Variants in RUVBL2 observed in about 807,000 individuals in gnomAD.
RUVBL2 encodes RuvB like AAA ATPase 2, also known as ruvB-like 2.
In RUVBL2, 9 loss-of-function variants were observed where a neutral mutation model predicts 57.9. The observed-to-expected ratio is 0.16, with a 90% CI of 0.09 to 0.27. RUVBL2 has a LOEUF of 0.27. RUVBL2 is among the 10% of genes least tolerant of loss of function. RUVBL2 has a pLI of 1.00. For missense variants in RUVBL2, 456 were observed against 669.6 expected, an observed-to-expected ratio of 0.68 and a Z score of 3.52; for synonymous variants, 278 against 264.6, an observed-to-expected ratio of 1.05 and a Z score of -0.49.
chr19:48,993,479 C>T (rs1281441834), upstream of RUVBL2: 2 of 426,792 alleles, frequency 4.7e-6, no homozygotes, highest in Non-Finnish European at 8.8e-6. Flanking sequence ...CGTGAGACCT[C>T]CAGGGGGCGG....
chr19:49,015,778 T>TGGGC (rs1374922967), intron 14 of RUVBL2, 39 bp from the exon 15 acceptor site: 20 of 1,613,784 alleles, frequency 1.2e-5, no homozygotes, highest in Non-Finnish European at 1.6e-5. Context: ...CCCTGCCACC[T>TGGGC]GGGCGACACT....
rs1159128898 is a variant in RUVBL2, at chr19:48,999,350, A to C, written c.44A>C (p.Asp15Ala). 4 of 1,614,210 alleles carry C rather than the reference A, an allele frequency of 2.5e-6. No individual in the cohort carries two copies. In the Admixed American group the frequency reaches 5.0e-5, roughly 20 times the overall value. The change falls in exon 2 of 15, where the codon GAT becomes GCT. Residue 15 changes from aspartate (D) to alanine (A), a missense_variant. This residue lies in a region of RUVBL2 where 22 missense variants were observed against 23.9 expected (regional missense o/e 0.92). Transcript: ENST00000595090. ...ACAACCAAAGTCCCGGAGATCCGTGATGTAACAAGGATTGAGCGAATCGGT... is the reference window on the plus strand; with the variant it reads ...ACAACCAAAGTCCCGGAGATCCGTGCTGTAACAAGGATTGAGCGAATCGGT... ...TATTKVPEIRDVTRIERIGAH... is the reference protein window; with the variant it reads ...TATTKVPEIRAVTRIERIGAH...
chr19:49,015,308 T>C, intron 13 of RUVBL2, 158 bp downstream of exon 13: 2 of 977,368 alleles, frequency 2.0e-6, no homozygotes, highest in Non-Finnish European at 3.0e-6. Flanking sequence ...CAGCCTGGCC[T>C]ATAGTAGGTA....
rs868621847 is a variant in RUVBL2, at chr19:49,009,955, C to T, written c.570-18C>T. The T allele has an allele frequency of 2.5e-6, 4 of 1,605,300 alleles. No individual in the cohort carries two copies. The highest frequency in any genetic ancestry group is 2.2e-5 in the East Asian group (1 of 44,826). On this transcript the variant is annotated intron_variant, in intron 7 of 14. Transcript: ENST00000595090. Reference sequence around the variant, plus strand: ...TGGGCCCATTCCTTTCCTTACCCTACCCCCCATCCCCCTGTAGGGACGTGA... The same window carrying T: ...TGGGCCCATTCCTTTCCTTACCCTATCCCCCATCCCCCTGTAGGGACGTGA...
intron 5 of RUVBL2, 69 bp from the exon 6 acceptor site, chr19:49,007,233 C>T: frequency 6.2e-7 from 1 of 1,607,560 alleles, no homozygotes; most frequent in Non-Finnish European, 8.5e-7. Flanking sequence ...TGTCCCAGAG[C>T]TCATGGAAGG....
rs780470874 is a variant in RUVBL2, at chr19:49,011,359, T to C, written c.1001+49T>C. On this transcript the variant is annotated intron_variant, in intron 11 of 14. Coordinates refer to ENST00000595090, the MANE Select transcript of RUVBL2 (RefSeq NM_006666.3). The surrounding 1 kb of genome is among the most constrained non-coding windows in gnomAD (Gnocchi z 4.4). Reference sequence around the variant, plus strand: ...GGGGAAAACAGGATGCTCTGGGCAGTGGGTGTGGTCAGAGGGTCAATGGGA... The same window carrying C: ...GGGGAAAACAGGATGCTCTGGGCAGCGGGTGTGGTCAGAGGGTCAATGGGA... The C allele has an allele frequency of 6.8e-7, 1 of 1,478,928 alleles. No homozygotes were observed. Among genetic ancestry groups the C allele is most frequent in the Non-Finnish European group, 9.4e-7 (1 of 1,060,410 alleles). The allele number at this position is 1,478,928 out of a possible 1,614,324, so 91.6% of individuals were successfully genotyped here. A position where few individuals can be genotyped will look rare whatever the true frequency, so the allele number is the denominator to read the frequency against.
chr19:49,014,833 G>T (rs1356615892), intron 12 of RUVBL2, among the ~76,000 whole-genome samples, 188 bp from the exon 13 acceptor site: 2 of 152,226 alleles, frequency 1.3e-5, no homozygotes, highest in Non-Finnish European at 2.9e-5. Context: ...GGGTGGTCAG[G>T]AGGCCTCGGT....
chr19:49,010,141 C>T, intron 8 of RUVBL2, 75 bp downstream of exon 8: 1 of 1,335,632 alleles, frequency 7.5e-7, no homozygotes, highest in Non-Finnish European at 1.1e-6. Flanking sequence ...CCCCCTTGAC[C>T]CATGGGGTCT....
At position 49,010,473 on chromosome 19, in the gene RUVBL2, AC is replaced by A; in HGVS notation, c.664-10del. The A allele has an allele frequency of 2.1e-5, 16 of 753,684 alleles. No homozygotes were observed. Among genetic ancestry groups the A allele is most frequent in the Non-Finnish European group, 3.0e-5 (15 of 502,902 alleles). The allele number at this position is 753,684 out of a possible 1,614,324, so 46.7% of individuals were successfully genotyped here. A position where few individuals can be genotyped will look rare whatever the true frequency, so the allele number is the denominator to read the frequency against. On this transcript the variant is annotated splice_polypyrimidine_tract_variant and intron_variant, in intron 8 of 14. Coordinates refer to ENST00000595090, the MANE Select transcript of RUVBL2 (RefSeq NM_006666.3). ...GCCCTGTCTCCGCCGTTCTTCCCCC[AC>A]CCCCGCCCCATAGACCAAGTTCGTG...
At chr19:49,002,917 G>A (rs2039212455) in intron 2 of RUVBL2, among the ~76,000 whole-genome samples, 1 of 152,170 alleles carries the variant, frequency 6.6e-6, no homozygotes, top group African/African-American at 2.4e-5. Flanking sequence ...AGGATCATAT[G>A]GAATAAACTG....
rs190848887 is a variant in RUVBL2 at position 49,011,063 on chromosome 19, C to T, written c.852C>T (p.Arg284=). The change falls in exon 10 of 15, where the codon CGC becomes CGT. Residue 284 remains arginine (R), a synonymous_variant. Coordinates refer to ENST00000595090, the MANE Select transcript of RUVBL2 (RefSeq NM_006666.3). The surrounding 1 kb of genome is among the most constrained non-coding windows in gnomAD (Gnocchi z 4.4). ...TCAATGCCAAGGTGGCTGAGTGGCG[C>T]GAGGAGGGCAAGGCGGAGATCATCC... The part of the protein sequence containing the change: ...EQINAKVAEW[R]EEGKAEIIPG... The T allele has an allele frequency of 8.1e-4, 1,304 of 1,608,224 alleles. 12 individuals carry two copies. In the African/African-American group the frequency reaches 0.016, roughly 19 times the overall value.
intron 2 of RUVBL2, among the ~76,000 whole-genome samples, chr19:49,000,638 G>C (rs1270954908): frequency 6.6e-6 from 1 of 152,028 alleles, no homozygotes; most frequent in Admixed American, 6.6e-5. Context: ...GCCGAGGCGG[G>C]TGGATCACCT....
chr19:49,010,699 TG>T (rs2039402958), intron 9 of RUVBL2, 88 bp downstream of exon 9: 1 of 1,552,692 alleles, frequency 6.4e-7, no homozygotes, highest in African/African-American at 1.4e-5. Flanking sequence ...GCTCCGAGTG[TG>T]GCCCACCTGC....
Position 49,011,009 on chromosome 19 carries a change from G to A in RUVBL2, c.798G>A (p.Gly266=), listed in dbSNP as rs776740896. Residue 266 remains glycine, a synonymous_variant, in exon 10 of 15, where the codon GGG becomes GGA. Transcript: ENST00000595090. This position sits in a 1 kb window ranked among gnomAD's most constrained non-coding sequence, Gnocchi z 4.4. The part of the protein sequence containing the change: ...GFLALFSGDT[G]EIKSEVREQI... ...CTGTGCCTCCCATAGGTGACACAGG[G>A]GAGATCAAGTCAGAAGTCCGTGAGC... 7 of 1,612,434 alleles carry A rather than the reference G, an allele frequency of 4.3e-6. No individual in the cohort carries two copies. The highest frequency in any genetic ancestry group is 1.6e-4 in the Middle Eastern group (1 of 6,080).
chr19:49,015,357 TC>T, intron 13 of RUVBL2: 1 of 723,638 alleles, frequency 1.4e-6, no homozygotes, highest in Non-Finnish European at 2.3e-6. Flanking sequence ...TGCTGTTAGG[TC>T]CACCTTACAG....
At position 49,010,553 on chromosome 19, in the gene RUVBL2, C is replaced by T; in HGVS notation, c.729C>T (p.Ser243=). ...GCAAGGAGGTGGTGCACACCGTGTC[C>T]CTGCACGAGATCGACGTCATCAACT... The part of the protein sequence containing the change: ...QKRKEVVHTV[S]LHEIDVINSR... Residue 243 remains serine, a synonymous_variant, in exon 9 of 15, where the codon TCC becomes TCT. Coordinates refer to ENST00000595090, the MANE Select transcript of RUVBL2 (RefSeq NM_006666.3). The T allele has an allele frequency of 6.2e-7, 1 of 1,612,624 alleles. No homozygotes were observed. Among genetic ancestry groups the T allele is most frequent in the Non-Finnish European group, 8.5e-7 (1 of 1,179,300 alleles).
Position 49,004,268 on chromosome 19 carries a change from C to G in RUVBL2, c.124-9C>G. The G allele has an allele frequency of 6.2e-7, 1 of 1,610,438 alleles. No individual in the cohort carries two copies. The highest frequency in any genetic ancestry group is 1.1e-5 in the South Asian group (1 of 91,010). On this transcript the variant is annotated splice_polypyrimidine_tract_variant and intron_variant, in intron 3 of 14. Transcript: ENST00000595090. ...AGGAAATCACCTCATGTGCGCCTCC[C>G]ACCCACAGGCTTCGCAAGGCATGGT...
At chr19:49,002,450 C>T (rs1048616352) in intron 2 of RUVBL2, among the ~76,000 whole-genome samples, 2 of 152,172 alleles carry the variant, frequency 1.3e-5, no homozygotes, top group Admixed American at 6.5e-5. Context: ...CTTCCCCTCT[C>T]GCTGGCTGTG....
chr19:49,004,950 G>C (rs969248535), intron 4 of RUVBL2, among the ~76,000 whole-genome samples: 2 of 151,028 alleles, frequency 1.3e-5, no homozygotes, highest in Non-Finnish European at 2.9e-5. Context: ...TTGGGCAAAA[G>C]GTTGTTGTAA....
Sources: gnomAD v4.1 joint callset for allele counts (sites outside exome capture counted in the v4.1 genomes callset) on GRCh38, gnomAD v4.1.1 for gene constraint, gnomAD v4.1.1 regional missense constraint, Gnocchi (gnomAD v3.1) non-coding constraint, MANE v1.5 for transcripts, NCBI Gene and HGNC (gene_info 2026-07-23, HGNC 2026-07-21) for gene names.